Variants in CEP350 observed in about 807,000 individuals in gnomAD.
CEP350 encodes the protein centrosomal protein 350, also known as centrosome-associated protein 350.
In CEP350, 126 loss-of-function variants were observed where a neutral mutation model predicts 331.8. That is an observed-to-expected ratio of 0.38 (90% CI 0.33 to 0.44). The LOEUF (loss-of-function observed/expected upper bound fraction) is 0.44. CEP350 is among the 20% of genes least tolerant of loss of function. The pLI is 1.00. For missense variants in CEP350, 3,406 were observed against 3,634.6 expected, an observed-to-expected ratio of 0.94 and a Z score of 1.62; for synonymous variants, 1,200 against 1,259.5, an observed-to-expected ratio of 0.95 and a Z score of 1.00.
intron 1 of CEP350, among the ~76,000 whole-genome samples, chr1:179,958,714 A>C (rs1290880253): frequency 6.6e-6 from 1 of 152,222 alleles, no homozygotes; most frequent in East Asian, 1.9e-4. Flanking sequence ...TAAATGAGTT[A>C]ACAGTTAGGC....
Position 180,113,153 on chromosome 1 carries a change from G to A in CEP350, c.*1992G>A, listed in dbSNP as rs1216837765. On this transcript the variant is annotated 3_prime_UTR_variant, in exon 38 of 38. Transcript: ENST00000367607. The stretch of plus-strand genomic sequence containing the variant: ...GCAAAGGCTTTTCTTTTCAGTTTGT[G>A]TTATTTGGAAGACAGAAAAACATCT... 6.6e-6 allele frequency: 1 copy of A among 152,542 alleles called. No individual in the cohort carries two copies. Among genetic ancestry groups the A allele is most frequent in the African/African-American group, 2.4e-5 (1 of 41,434 alleles). 9.4% of individuals were successfully genotyped at this position (152,542 alleles called of 1,614,324 possible). A position where few individuals can be genotyped will look rare whatever the true frequency, so the allele number is the denominator to read the frequency against.
chr1:180,021,421 A>G (rs576941452), intron 12 of CEP350, among the ~76,000 whole-genome samples: 1 of 152,294 alleles, frequency 6.6e-6, no homozygotes, highest in Non-Finnish European at 1.5e-5. Flanking sequence ...TCAGAGTCCA[A>G]GGCGGGCGGA....
chr1:180,085,150 T>G (rs1288135130), intron 31 of CEP350, among the ~76,000 whole-genome samples: 1 of 150,308 alleles, frequency 6.7e-6, no homozygotes, highest in Non-Finnish European at 1.5e-5. Flanking sequence ...CCTTCCCTTA[T>G]TTCACAGAAT....
chr1:180,104,406 A>C (rs182620069), intron 37 of CEP350, among the ~76,000 whole-genome samples: 1 of 152,156 alleles, frequency 6.6e-6, no homozygotes, highest in African/African-American at 2.4e-5. Flanking sequence ...AGCTTTGACT[A>C]TTGGGAATTT....
chr1:180,064,228 G>T (rs978839733), intron 26 of CEP350, among the ~76,000 whole-genome samples: 1 of 152,100 alleles, frequency 6.6e-6, no homozygotes, highest in Non-Finnish European at 1.5e-5. Context: ...TCACTTCCAT[G>T]TGACATTCTT....
rs776468047 is a variant in CEP350, at chr1:180,014,225, A to C, written c.1772A>C (p.Tyr591Ser). The C allele has an allele frequency of 6.2e-7, 1 of 1,610,874 alleles. No homozygotes were observed. The highest frequency in any genetic ancestry group is 1.7e-5 in the Admixed American group (1 of 59,450). Residue 591 changes from tyrosine to serine, a missense_variant, in exon 10 of 38, where the codon TAT becomes TCT. Physicochemically the swap from Tyr to Ser is moderately radical, Grantham distance 144 (BLOSUM62 -2). Coordinates refer to ENST00000367607, the MANE Select transcript of CEP350 (RefSeq NM_014810.5). Reference protein sequence around the residue: ...DPPVISKRRHYDTDEVRQYIV... With the variant: ...DPPVISKRRHSDTDEVRQYIV... ...CCTGTTATTTCCAAAAGGCGCCACTATGACACAGATGAGGTACGACAGTAC... is the reference window on the plus strand; with the variant it reads ...CCTGTTATTTCCAAAAGGCGCCACTCTGACACAGATGAGGTACGACAGTAC...
chr1:180,044,145 T>G lies in CEP350; in HGVS notation c.4594T>G (p.Ser1532Ala). The part of the protein sequence containing the change: ...YSASYDSYSE[S>A]SGYKNHDRRS... ...TGCTTCATATGATAGTTATTCTGAG[T>G]CTTCAGGATACAAGAATCATGATAG... Residue 1532 changes from serine (S) to alanine (A), a missense_variant, in exon 21 of 38, where the codon TCT becomes GCT. This residue lies in a region of CEP350 where 1,857 missense variants were observed against 1,909.2 expected (regional missense o/e 0.97). Coordinates refer to ENST00000367607, the MANE Select transcript of CEP350 (RefSeq NM_014810.5). 2.6e-6 allele frequency: 4 copies of G among 1,568,210 alleles called. No individual in the cohort carries two copies. The highest frequency in any genetic ancestry group is 2.6e-6 in the Non-Finnish European group (3 of 1,154,954).
intron 24 of CEP350, among the ~76,000 whole-genome samples, 198 bp downstream of exon 24, chr1:180,054,132 C>G (rs1657672783): frequency 6.6e-6 from 1 of 152,172 alleles, no homozygotes; most frequent in Non-Finnish European, 1.5e-5. Context: ...TTGCATTCCC[C>G]TTTTATCACT....
At chr1:180,056,047 G>A (rs566954682) in intron 25 of CEP350, among the ~76,000 whole-genome samples, 96 of 151,988 alleles carry the variant, frequency 6.3e-4, no homozygotes, top group African/African-American at 2.3e-3. Context: ...TTTCTTGATA[G>A]TATCCTTTGA....
intron 4 of CEP350, 116 bp downstream of exon 4, chr1:179,990,737 T>C (rs1187295127): frequency 3.8e-6 from 2 of 525,912 alleles, no homozygotes; most frequent in African/African-American, 1.9e-5. Context: ...TTTTATCTTT[T>C]GTAGAGACGA....
chr1:179,967,618 G>C (rs1477637345), intron 1 of CEP350, among the ~76,000 whole-genome samples: 1 of 152,000 alleles, frequency 6.6e-6, no homozygotes, highest in Admixed American at 6.6e-5. Flanking sequence ...CACCATGTTG[G>C]CCAGGCTGGT....
At chr1:180,022,905 G>T in intron 13 of CEP350, 57 bp downstream of exon 13, 1 of 1,488,118 alleles carries the variant, frequency 6.7e-7, no homozygotes, top group South Asian at 1.3e-5. Context: ...ATGTACAAAT[G>T]AGAACTCTGG....
chr1:179,969,688 G>T (rs887835940), intron 1 of CEP350, among the ~76,000 whole-genome samples: 4 of 152,132 alleles, frequency 2.6e-5, no homozygotes, highest in Admixed American at 6.5e-5. Flanking sequence ...GTGTGGTGGT[G>T]TGTGCTGTAA....
At chr1:179,972,470 A>G (rs1449420748) in intron 1 of CEP350, among the ~76,000 whole-genome samples, 1 of 151,996 alleles carries the variant, frequency 6.6e-6, no homozygotes, top group Non-Finnish European at 1.5e-5. Context: ...TATGGAGTGT[A>G]GTGTATAGAA....
intron 1 of CEP350, among the ~76,000 whole-genome samples, chr1:179,966,689 A>C (rs1651039967): frequency 6.6e-6 from 1 of 152,186 alleles, no homozygotes; most frequent in South Asian, 2.1e-4. Context: ...AGCCAGACAT[A>C]TGAGGCCTCT....
Position 180,043,317 on chromosome 1 carries a change from A to G in CEP350, c.4499+125A>G, listed in dbSNP as rs1656892549. 2.6e-6 allele frequency: 3 copies of G among 1,134,426 alleles called. 1 individual carries two copies. Among genetic ancestry groups the G allele is most frequent in the African/African-American group, 1.6e-5 (1 of 63,294 alleles). The allele number at this position is 1,134,426 out of a possible 1,614,324, so 70.3% of individuals were successfully genotyped here. ...CTTGGTTGAGAATACAGTTATGGGC[A>G]TAGTCTAGTAGGGAAGATAAACATT... is the stretch of plus-strand genomic sequence containing the variant. On this transcript the variant is annotated intron_variant, in intron 20 of 37. Coordinates refer to ENST00000367607, the MANE Select transcript of CEP350 (RefSeq NM_014810.5).
chr1:179,968,811 A>G (rs1483953298), intron 1 of CEP350: 1 of 698,488 alleles, frequency 1.4e-6, no homozygotes, highest in Non-Finnish European at 2.7e-6. Context: ...AGAGGACCTG[A>G]AAGAAGCTTC....
intron 6 of CEP350, among the ~76,000 whole-genome samples, chr1:179,997,400 A>G (rs1405670014): frequency 6.6e-6 from 1 of 151,900 alleles, no homozygotes; most frequent in Non-Finnish European, 1.5e-5. Context: ...AAAATTAGCC[A>G]GGCGTGGTGG....
rs760680539 is a variant in CEP350 at position 180,015,895 on chromosome 1, A to G, written c.2099A>G (p.Lys700Arg). 6.2e-7 allele frequency: 1 copy of G among 1,613,942 alleles called. No homozygotes were observed. The highest frequency in any genetic ancestry group is 8.5e-7 in the Non-Finnish European group (1 of 1,179,866). The change falls in exon 11 of 38, where the codon AAA becomes AGA. Residue 700 changes from lysine to arginine, a missense_variant. Transcript: ENST00000367607. ...TCTGGAGAATCTGACAAAGAAAACA[A>G]AGTACAGGAACGTCCCCCAAGTGCA... The part of the protein sequence containing the change: ...QPSGESDKEN[K>R]VQERPPSASS...
Sources: gnomAD v4.1 joint callset for allele counts (sites outside exome capture counted in the v4.1 genomes callset) on GRCh38, gnomAD v4.1.1 for gene constraint, gnomAD v4.1.1 regional missense constraint, MANE v1.5 for transcripts, NCBI Gene and HGNC (gene_info 2026-07-23, HGNC 2026-07-21) for gene names.